Variants in CHRNB4 observed in about 807,000 individuals in gnomAD.
CHRNB4 encodes cholinergic receptor nicotinic beta 4 subunit.
In CHRNB4, 23 loss-of-function variants were observed where a neutral mutation model predicts 40.4. The observed-to-expected ratio is 0.57, with a 90% CI of 0.41 to 0.81. The LOEUF is 0.81. Ranked by LOEUF, CHRNB4 falls within the 30% of genes least tolerant of loss-of-function variation. CHRNB4 has a pLI of 0.00. For synonymous variants in CHRNB4, 285 were observed against 274.4 expected (o/e 1.04, Z -0.38); for missense variants, 568 against 670.6 (o/e 0.85, Z 1.69).
chr15:78,629,564 G>C lies in CHRNB4; in HGVS notation c.741C>G (p.Thr247=), dbSNP rs753252726. Residue 247 remains threonine (T), a synonymous_variant, in exon 5 of 6, where the codon ACC becomes ACG. Coordinates refer to ENST00000261751, the MANE Select transcript of CHRNB4 (RefSeq NM_000750.5). This position sits in a 1 kb window ranked among gnomAD's most constrained non-coding sequence, Gnocchi z 6.8. ...GGTAGAAGACGAGGATGGCCAGCAAGGTGGTGAGCACGCAGGGGATGATGA... is the reference window on the plus strand; with the variant it reads ...GGTAGAAGACGAGGATGGCCAGCAACGTGGTGAGCACGCAGGGGATGATGA... The part of the protein sequence containing the change: ...INLIIPCVLT[T]LLAILVFYLP... 2 of 1,614,154 alleles carry C rather than the reference G, an allele frequency of 1.2e-6. No individual in the cohort carries two copies. Among genetic ancestry groups the C allele is most frequent in the Non-Finnish European group, 1.7e-6 (2 of 1,180,036 alleles).
intron 1 of CHRNB4, among the ~76,000 whole-genome samples, chr15:78,640,801 C>T (rs1288406925): frequency 6.6e-6 from 1 of 152,244 alleles, no homozygotes; most frequent in Non-Finnish European, 1.5e-5. Flanking sequence ...GCCCACTGCC[C>T]AGCCCACAGA....
At chr15:78,649,761 G>C (rs948948199) in intron 6 of CHRNB4, among the ~76,000 whole-genome samples, 2 of 152,000 alleles carry the variant, frequency 1.3e-5, no homozygotes, top group Non-Finnish European at 2.9e-5. Flanking sequence ...AATTGCACGA[G>C]TGATAAACTC....
upstream of CHRNB4, chr15:78,661,571 G>T: frequency 1.9e-6 from 1 of 533,950 alleles, no homozygotes; most frequent in Non-Finnish European, 3.7e-6. Context: ...TGCGCGGAAC[G>T]TTTTTTGGTC....
chr15:78,632,481 A>C (rs889892780), intron 2 of CHRNB4, among the ~76,000 whole-genome samples: 1 of 151,750 alleles, frequency 6.6e-6, no homozygotes, highest in African/African-American at 2.4e-5. Flanking sequence ...CTAAATTTTA[A>C]AAAATTTTTT....
chr15:78,638,733 C>T (rs1241921350), intron 1 of CHRNB4, among the ~76,000 whole-genome samples: 1 of 152,236 alleles, frequency 6.6e-6, no homozygotes, highest in Non-Finnish European at 1.5e-5. Flanking sequence ...CAGCCCAGCC[C>T]AGCACATGCT....
Position 78,640,993 on chromosome 15 carries a change from C to T in CHRNB4, c.55+86G>A, listed in dbSNP as rs367577781. The T allele has an allele frequency of 6.2e-5, 88 of 1,423,360 alleles. No homozygotes were observed. The East Asian group carries it at 8.7e-4, about 14-fold the overall frequency. 88.2% of individuals were successfully genotyped at this position (1,423,360 alleles called of 1,614,324 possible). On this transcript the variant is annotated intron_variant, in intron 1 of 5. Transcript: ENST00000261751. ...GGGCCACTCCCCCGGGCGCAGGGCA[C>T]CCTCCCTTCCCTCCCACCTGTGGCC...
At chr15:78,650,209 A>G (rs1000166231) in intron 6 of CHRNB4, among the ~76,000 whole-genome samples, 2 of 152,130 alleles carry the variant, frequency 1.3e-5, no homozygotes, top group Admixed American at 6.5e-5. Flanking sequence ...TGCCCTTCTT[A>G]CAGTTGCTTT....
At position 78,649,067 on chromosome 15, in the gene CHRNB4, C is replaced by T. The variant is rs149262652; in HGVS notation, c.46+312G>A. Among the ~76,000 whole-genome samples, 430 of 152,250 alleles carry T rather than the reference C, an allele frequency of 2.8e-3. 1 individual carries two copies. The highest frequency in any genetic ancestry group is 4.8e-3 in the Non-Finnish European group (325 of 68,018). On this transcript the variant is annotated intron_variant and NMD_transcript_variant, in intron 7 of 11. Transcript: ENST00000559849. The stretch of plus-strand genomic sequence containing the variant: ...TACTGGGATTACAAGTGTGAGCCAC[C>T]GCTCCCGGCAGTTCATATTATTTTG...
intron 2 of CHRNB4, among the ~76,000 whole-genome samples, chr15:78,632,167 C>CT (rs776661404): frequency 2.6e-4 from 31 of 118,114 alleles, no homozygotes; most frequent in Middle Eastern, 3.8e-3. Context: ...CTTTTCTTTT[C>CT]TTTCTCTTTC....
At chr15:78,644,024 A>C (rs555589897), upstream of CHRNB4, among the ~76,000 whole-genome samples, 18 of 149,846 alleles carry the variant, frequency 1.2e-4, 1 homozygote, top group Non-Finnish European at 1.6e-4. Flanking sequence ...TTAGCTGGGC[A>C]TGGTGGCGGG....
chr15:78,642,999 G>A (rs1273830354), upstream of CHRNB4, among the ~76,000 whole-genome samples: 1 of 151,844 alleles, frequency 6.6e-6, no homozygotes, highest in African/African-American at 2.4e-5. Context: ...TATATAAAGG[G>A]GGAAAATAAC....
chr15:78,646,820 A>G (rs965227221), intron 7 of CHRNB4, among the ~76,000 whole-genome samples: 1 of 152,210 alleles, frequency 6.6e-6, no homozygotes, highest in Non-Finnish European at 1.5e-5. Flanking sequence ...TCAATCCATA[A>G]CAAGTAGAAA....
chr15:78,632,098 T>C (rs1339775748), intron 2 of CHRNB4, among the ~76,000 whole-genome samples: 1 of 152,198 alleles, frequency 6.6e-6, no homozygotes, highest in Non-Finnish European at 1.5e-5. Context: ...CTGACCTACA[T>C]AAAATAGCAC....
intron 1 of CHRNB4, among the ~76,000 whole-genome samples, chr15:78,636,292 G>C (rs1000550482): frequency 6.6e-6 from 1 of 150,952 alleles, no homozygotes; most frequent in African/African-American, 2.4e-5. Context: ...CCCCACCCCT[G>C]CCCTCCTCCT....
At position 78,625,039 on chromosome 15, in the gene CHRNB4, T is replaced by A; in HGVS notation, c.*94A>T. On this transcript the variant is annotated 3_prime_UTR_variant, in exon 6 of 6. Coordinates refer to ENST00000261751, the MANE Select transcript of CHRNB4 (RefSeq NM_000750.5). ...GGGGTTGATGGCCAATGCTCACATA[T>A]TTACTTAGGGCCTCATCAGCCACAA... 1 of 1,605,350 alleles carries A rather than the reference T, an allele frequency of 6.2e-7. No homozygotes were observed. The highest frequency in any genetic ancestry group is 1.1e-5 in the South Asian group (1 of 91,082).
At chr15:78,651,615 T>C (rs937362083) in intron 6 of CHRNB4, among the ~76,000 whole-genome samples, 1 of 152,190 alleles carries the variant, frequency 6.6e-6, no homozygotes, top group Non-Finnish European at 1.5e-5. Flanking sequence ...CCCACACCTC[T>C]ACTTCCCAGC....
Position 78,634,155 on chromosome 15 carries a change from C to T in CHRNB4, c.204+1284G>A, listed in dbSNP as rs138139293. Among the ~76,000 whole-genome samples, 519 of 152,262 alleles carry T rather than the reference C, an allele frequency of 3.4e-3. 4 individuals are homozygous for T. Among genetic ancestry groups the T allele is most frequent in the African/African-American group, 0.011 (475 of 41,562 alleles). On this transcript the variant is annotated intron_variant, in intron 2 of 5. Transcript: ENST00000261751. Reference sequence around the variant, plus strand: ...AATATTTACTGTATACACAAGCTTTCGGAAATATAACTTGCATGGGTGGGG... The same window carrying T: ...AATATTTACTGTATACACAAGCTTTTGGAAATATAACTTGCATGGGTGGGG...
chr15:78,628,472 T>C lies in CHRNB4; in HGVS notation c.1338+495A>G, dbSNP rs554141812. Among the ~76,000 whole-genome samples, 136 of 152,318 alleles carry C rather than the reference T, an allele frequency of 8.9e-4. 2 individuals carry two copies. Among genetic ancestry groups the C allele is most frequent in the African/African-American group, 3.0e-3 (125 of 41,570 alleles). On this transcript the variant is annotated intron_variant, in intron 5 of 5. Transcript: ENST00000261751. ...CTTGTTCTGGCAGGCTGGCATTACC[T>C]GGAAGCACAGGAGAGTTAAAGTCCT...
At chr15:78,660,836 T>C (rs889566929), upstream of CHRNB4, 1 of 320,602 alleles carries the variant, frequency 3.1e-6, no homozygotes, top group Non-Finnish European at 6.0e-6. Flanking sequence ...TGGGTAATTA[T>C]CTCAGCGGTT....
Sources: gnomAD v4.1 joint callset for allele counts (sites outside exome capture counted in the v4.1 genomes callset) on GRCh38, gnomAD v4.1.1 for gene constraint, Gnocchi (gnomAD v3.1) non-coding constraint, MANE v1.5 for transcripts, NCBI Gene and HGNC (gene_info 2026-07-23, HGNC 2026-07-21) for gene names.